Variants in STXBP5L observed in about 807,000 individuals in gnomAD.
STXBP5L encodes syntaxin-binding protein 5-like.
In STXBP5L, 65 loss-of-function variants were observed where a neutral mutation model predicts 144.5. The ratio of observed to expected loss-of-function variants is 0.45; its 90% CI spans 0.37 to 0.55. STXBP5L has a LOEUF of 0.55. Among genes scored for constraint, STXBP5L ranks in the 20% least tolerant of loss-of-function variants. The pLI is 0.00. For missense variants in STXBP5L, 1,298 were observed against 1,405.5 expected (o/e 0.92, Z 1.22); for synonymous variants, 505 against 469.6 (o/e 1.08, Z -0.97).
chr3:121,004,134 C>A (rs1367772676), intron 3 of STXBP5L, among the ~76,000 whole-genome samples: 1 of 152,110 alleles, frequency 6.6e-6, no homozygotes. Flanking sequence ...TATAAATTAC[C>A]TTGGGCAGTA....
At chr3:121,021,331 A>C (rs181157686) in intron 3 of STXBP5L, among the ~76,000 whole-genome samples, 83 of 152,242 alleles carry the variant, frequency 5.5e-4, no homozygotes, top group Non-Finnish European at 1.1e-3. Flanking sequence ...GGACTTTAAT[A>C]CTCTACTGAT....
intron 19 of STXBP5L, among the ~76,000 whole-genome samples, chr3:121,304,235 A>T (rs1013727601): frequency 6.6e-6 from 1 of 152,202 alleles, no homozygotes; most frequent in Non-Finnish European, 1.5e-5. Flanking sequence ...TTCAAAATAT[A>T]TGAAGCAAAA....
At chr3:121,224,199 G>T (rs1359359920) in intron 11 of STXBP5L, among the ~76,000 whole-genome samples, 1 of 152,100 alleles carries the variant, frequency 6.6e-6, no homozygotes, top group Admixed American at 6.6e-5. Context: ...TGTAGAAAGA[G>T]AATAGTAATA....
chr3:120,981,068 G>T (rs1941722546), intron 3 of STXBP5L, among the ~76,000 whole-genome samples: 1 of 152,128 alleles, frequency 6.6e-6, no homozygotes, highest in Non-Finnish European at 1.5e-5. Flanking sequence ...CTGCTGAGAA[G>T]TCCACTGTCA....
intron 5 of STXBP5L, among the ~76,000 whole-genome samples, chr3:121,107,033 A>G (rs1164966287): frequency 6.7e-6 from 1 of 150,202 alleles, no homozygotes; most frequent in African/African-American, 2.4e-5. Context: ...GGACGCATGG[A>G]TGTTATCTTT....
At chr3:121,139,753 G>A (rs569653730) in intron 7 of STXBP5L, among the ~76,000 whole-genome samples, 84 of 152,162 alleles carry the variant, frequency 5.5e-4, no homozygotes, top group Middle Eastern at 3.4e-3. Flanking sequence ...GAAACTTGAA[G>A]AGGGAGGACA....
intron 5 of STXBP5L, among the ~76,000 whole-genome samples, chr3:121,058,676 C>A (rs777600192): frequency 6.6e-6 from 1 of 152,066 alleles, no homozygotes; most frequent in East Asian, 1.9e-4. Flanking sequence ...TTCTAACTGG[C>A]GTGAGATGGT....
chr3:120,956,857 T>A (rs554490892), intron 3 of STXBP5L, among the ~76,000 whole-genome samples: 1 of 152,130 alleles, frequency 6.6e-6, no homozygotes, highest in African/African-American at 2.4e-5. Context: ...TATTTTTTTC[T>A]TTTGTTGCCT....
intron 2 of STXBP5L, among the ~76,000 whole-genome samples, chr3:120,911,875 A>G (rs553501533): frequency 3.9e-5 from 6 of 152,172 alleles, no homozygotes; most frequent in East Asian, 1.9e-4. Context: ...AGGAAATCCC[A>G]AAATTAGACC....
In STXBP5L at chr3:121,124,960, T is replaced by G. The variant is rs143017391; in HGVS notation, c.669+3256T>G. ...CCAATATTCTAAGAGTTTAAAATTA[T>G]GAATAGTGTCAAATTTTATTGAATG... On this transcript the variant is annotated intron_variant, in intron 7 of 26. Coordinates refer to ENST00000471454, the MANE Select transcript of STXBP5L (RefSeq NM_001308330.2). Among the ~76,000 whole-genome samples the G allele has an allele frequency of 5.6e-3, 858 of 152,280 alleles. 6 individuals carry two copies. Among genetic ancestry groups the G allele is most frequent in the African/African-American group, 0.02 (839 of 41,574 alleles).
chr3:120,935,147 C>T (rs545680345), intron 2 of STXBP5L, among the ~76,000 whole-genome samples: 166 of 151,656 alleles, frequency 1.1e-3, no homozygotes, highest in African/African-American at 4.0e-3. Context: ...TCTCTCCTCT[C>T]TTATTAATTC....
Position 121,054,395 on chromosome 3 carries a change from G to C in STXBP5L, c.470+8860G>C, listed in dbSNP as rs1211532541. On this transcript the variant is annotated intron_variant, in intron 5 of 26. Transcript: ENST00000471454. ...AGAAAATGTGGCACATATACACCAT[G>C]GAATACTATGCAGCCATAAAAAGGA... Among the ~76,000 whole-genome samples, 3 of 152,198 alleles carry C rather than the reference G, an allele frequency of 2.0e-5. No homozygotes were observed. In the East Asian group the frequency reaches 5.8e-4, roughly 29 times the overall value.
chr3:121,216,704 C>G (rs924682816), intron 10 of STXBP5L, among the ~76,000 whole-genome samples: 1 of 152,218 alleles, frequency 6.6e-6, no homozygotes, highest in African/African-American at 2.4e-5. Flanking sequence ...TAGCAGAGCT[C>G]GAGCACTGTG....
At chr3:121,083,904 T>C (rs770709351) in intron 5 of STXBP5L, among the ~76,000 whole-genome samples, 1 of 152,196 alleles carries the variant, frequency 6.6e-6, no homozygotes, top group Non-Finnish European at 1.5e-5. Flanking sequence ...GTTATCATTT[T>C]CAAAGCTGCA....
intron 9 of STXBP5L, among the ~76,000 whole-genome samples, chr3:121,170,744 GC>G (rs747735125): frequency 3.2e-4 from 48 of 152,240 alleles, no homozygotes; most frequent in African/African-American, 9.6e-4. Flanking sequence ...CGGATTCACA[GC>G]CGAATTCTCC....
chr3:121,061,121 T>G (rs535160459), intron 5 of STXBP5L, among the ~76,000 whole-genome samples: 2 of 152,332 alleles, frequency 1.3e-5, no homozygotes, highest in South Asian at 4.1e-4. Context: ...TGCTATAAAT[T>G]TCCATCTAAA....
intron 5 of STXBP5L, among the ~76,000 whole-genome samples, chr3:121,107,288 C>T (rs906621516): frequency 6.6e-6 from 1 of 152,078 alleles, no homozygotes; most frequent in Non-Finnish European, 1.5e-5. Context: ...GAAATCTTTG[C>T]CCGTGCCTAT....
intron 5 of STXBP5L, among the ~76,000 whole-genome samples, chr3:121,055,992 C>T (rs1179888452): frequency 2.6e-5 from 4 of 151,750 alleles, no homozygotes; most frequent in Non-Finnish European, 4.4e-5. Context: ...TGTGCTTGGC[C>T]TGGGGTCTCA....
At chr3:121,320,989 G>A (rs575665254) in intron 20 of STXBP5L, among the ~76,000 whole-genome samples, 13 of 152,132 alleles carry the variant, frequency 8.5e-5, no homozygotes, top group Admixed American at 5.2e-4. Context: ...GTGAGCCACC[G>A]TGCCCGGCCC....
Sources: gnomAD v4.1 joint callset for allele counts (sites outside exome capture counted in the v4.1 genomes callset) on GRCh38, gnomAD v4.1.1 for gene constraint, MANE v1.5 for transcripts, NCBI Gene and HGNC (gene_info 2026-07-23, HGNC 2026-07-21) for gene names.